Variants in TMEM232 observed in about 807,000 individuals in gnomAD.
The protein encoded by TMEM232 is transmembrane protein 232.
In TMEM232, 80 loss-of-function variants were observed where a neutral mutation model predicts 78.8. That is an observed-to-expected ratio of 1.01 (90% CI 0.85 to 1.22). TMEM232 has a LOEUF of 1.22. Ranked by LOEUF, TMEM232 falls within the 50% of genes most tolerant of loss-of-function variation. The pLI, the probability that TMEM232 is intolerant of heterozygous loss-of-function variation, is 0.00. For synonymous variants in TMEM232, 297 were observed against 254.3 expected, an observed-to-expected ratio of 1.17 and a Z score of -1.60; for missense variants, 881 against 742.2, an observed-to-expected ratio of 1.19 and a Z score of -2.17.
At chr5:110,457,310 G>A (rs2149347586) in intron 12 of TMEM232, among the ~76,000 whole-genome samples, 1 of 152,168 alleles carries the variant, frequency 6.6e-6, no homozygotes, top group East Asian at 1.9e-4. Context: ...AAACCACAAT[G>A]AGATACCACT....
chr5:110,562,576 T>A (rs776109677), intron 11 of TMEM232, among the ~76,000 whole-genome samples: 16 of 152,066 alleles, frequency 1.1e-4, no homozygotes, highest in Non-Finnish European at 1.9e-4. Context: ...TGAACTTTGA[T>A]GTAGCTAGCC....
chr5:110,516,022 G>A (rs911135516), intron 12 of TMEM232, among the ~76,000 whole-genome samples: 6 of 152,234 alleles, frequency 3.9e-5, no homozygotes, highest in African/African-American at 7.2e-5. Flanking sequence ...GGCGGATCAC[G>A]AGGTCAGGAG....
At chr5:110,641,305 T>C (rs1400129280) in intron 3 of TMEM232, among the ~76,000 whole-genome samples, 1 of 152,192 alleles carries the variant, frequency 6.6e-6, no homozygotes, top group Non-Finnish European at 1.5e-5. Context: ...AATGCATTTT[T>C]TTTATTGTAT....
chr5:110,648,375 A>G (rs1422488), intron 2 of TMEM232, among the ~76,000 whole-genome samples: 138,583 of 152,022 alleles, frequency 0.91, 63,190 homozygotes, highest in East Asian at 0.94. Flanking sequence ...ACAGACATAC[A>G]CACTGACTTA....
chr5:110,583,585 C>T (rs187575178), intron 10 of TMEM232, among the ~76,000 whole-genome samples: 4 of 151,588 alleles, frequency 2.6e-5, no homozygotes, highest in Admixed American at 6.6e-5. Context: ...AATGATTTTT[C>T]GGAAATAACA....
upstream of TMEM232, chr5:110,738,106 T>G: frequency 1.6e-6 from 1 of 623,318 alleles, no homozygotes; most frequent in Non-Finnish European, 2.3e-6. Context: ...GATCGAGAAC[T>G]GCACGTCAGA....
At chr5:110,429,162 G>A (rs1431744609) in intron 12 of TMEM232, among the ~76,000 whole-genome samples, 7 of 151,748 alleles carry the variant, frequency 4.6e-5, no homozygotes, top group Admixed American at 2.6e-4. Flanking sequence ...AGCCATTCAC[G>A]GTATACCGGG....
chr5:110,420,849 A>C, intron 13 of TMEM232, 93 bp from the exon 14 acceptor site: 3 of 1,433,710 alleles, frequency 2.1e-6, no homozygotes, highest in Non-Finnish European at 2.7e-6. Context: ...ATATCCAATT[A>C]TCCTTTCAGG....
chr5:110,638,092 T>G lies in TMEM232; in HGVS notation c.501+106A>C, dbSNP rs1006449144. On this transcript the variant is annotated intron_variant, in intron 5 of 13. Transcript: ENST00000455884. ...ATTAAACTACCAAACAAAAGAATAT[T>G]CTATAATAAAACTAAATGTTCTGTT... is the stretch of plus-strand genomic sequence containing the variant. 9 of 878,088 alleles carry G rather than the reference T, an allele frequency of 1.0e-5. No individual in the cohort carries two copies. In the East Asian group the frequency reaches 2.6e-4, roughly 25 times the overall value. 54.4% of individuals were successfully genotyped at this position (878,088 alleles called of 1,614,324 possible).
intron 12 of TMEM232, among the ~76,000 whole-genome samples, chr5:110,435,862 ATGGACAC>A (rs1758374955): frequency 6.6e-6 from 1 of 151,966 alleles, no homozygotes; most frequent in African/African-American, 2.4e-5. Flanking sequence ...TCATCTGTTG[ATGGACAC>A]TTGGGTTGCT....
At position 110,512,189 on chromosome 5, in the gene TMEM232, T is replaced by C. The variant is rs190580870; in HGVS notation, c.1703+16399A>G. 6.6e-5 allele frequency among the ~76,000 whole-genome samples: 10 copies of C among 152,336 alleles called. No individual in the cohort carries two copies. In the East Asian group the frequency reaches 1.7e-3, roughly 26 times the overall value. ...CTCCAATATTTTATTGAAAGCTCCA[T>C]TGTGGAAGAAGTATAATTTTTATTA... On this transcript the variant is annotated intron_variant, in intron 12 of 13. Transcript: ENST00000455884.
chr5:110,667,497 G>C (rs1397984611), intron 1 of TMEM232, 133 bp from the exon 2 acceptor site: 5 of 630,294 alleles, frequency 7.9e-6, no homozygotes, highest in Non-Finnish European at 1.2e-5. Flanking sequence ...TCTATATTAA[G>C]GAAGAATTTA....
At chr5:110,687,276 T>A (rs965141640) in intron 1 of TMEM232, among the ~76,000 whole-genome samples, 13 of 144,530 alleles carry the variant, frequency 9.0e-5, no homozygotes, top group Non-Finnish European at 1.9e-4. Flanking sequence ...AGGAACTGCC[T>A]CTTCTTTCCT....
chr5:110,589,167 C>A (rs1427217553), intron 10 of TMEM232, among the ~76,000 whole-genome samples: 3 of 151,992 alleles, frequency 2.0e-5, no homozygotes, highest in Non-Finnish European at 4.4e-5. Context: ...TGGATGCATA[C>A]GGGTCTGTAA....
chr5:110,608,973 G>A (rs907839951), intron 8 of TMEM232, among the ~76,000 whole-genome samples: 3 of 151,970 alleles, frequency 2.0e-5, no homozygotes, highest in Non-Finnish European at 4.4e-5. Flanking sequence ...TGTAAATAAA[G>A]AAACTGAGCC....
chr5:110,404,215 A>G (rs941846819), intron 2 of TMEM232, among the ~76,000 whole-genome samples: 1 of 152,062 alleles, frequency 6.6e-6, no homozygotes, highest in Admixed American at 6.6e-5. Flanking sequence ...ATATACTTCA[A>G]AATTGTTTTT....
chr5:110,391,713 T>C (rs1188169858), intron 3 of TMEM232, among the ~76,000 whole-genome samples: 2 of 152,170 alleles, frequency 1.3e-5, no homozygotes, highest in Non-Finnish European at 2.9e-5. Flanking sequence ...ATTGATTCAG[T>C]ATAATTAGAT....
chr5:110,589,222 C>T (rs1779206384), intron 10 of TMEM232, among the ~76,000 whole-genome samples: 1 of 152,068 alleles, frequency 6.6e-6, no homozygotes, highest in African/African-American at 2.4e-5. Context: ...GAACATTTTA[C>T]TATCATGTTT....
intron 10 of TMEM232, among the ~76,000 whole-genome samples, chr5:110,597,954 C>G (rs1206062783): frequency 1.3e-5 from 2 of 152,122 alleles, no homozygotes; most frequent in African/African-American, 4.8e-5. Flanking sequence ...TAGGCATGGG[C>G]AAGGACTTCA....
Sources: allele counts gnomAD v4.1 joint callset (sites outside exome capture counted in the v4.1 genomes callset), GRCh38; gene constraint gnomAD v4.1.1; transcripts MANE v1.5; gene names NCBI Gene and HGNC (gene_info 2026-07-23, HGNC 2026-07-21).